The following CREB5 variants were observed in gnomAD, a reference collection of about 807,000 sequenced individuals.
CREB5 encodes the protein cAMP responsive element binding protein 5, also known as cyclic AMP-responsive element-binding protein 5.
Under a neutral mutation model 57.1 loss-of-function variants are expected in CREB5, and 19 were observed. That is an observed-to-expected ratio of 0.33 (90% CI 0.23 to 0.49). The LOEUF (loss-of-function observed/expected upper bound fraction) is 0.49, where lower values mean the gene tolerates loss of function less well. Ranked by LOEUF, CREB5 falls within the 20% of genes least tolerant of loss-of-function variation. CREB5 has a pLI of 0.99. For synonymous variants in CREB5, 238 were observed against 238.3 expected, an observed-to-expected ratio of 1.00 and a Z score of 0.01; for missense variants, 579 against 671.6, an observed-to-expected ratio of 0.86 and a Z score of 1.52.
chr7:28,618,880 A>C (rs1797689197), intron 5 of CREB5, among the ~76,000 whole-genome samples: 1 of 152,244 alleles, frequency 6.6e-6, no homozygotes, highest in South Asian at 2.1e-4. Context: ...TGGTTCTGAC[A>C]TTGCAATATT....
rs1791968407 is a variant in CREB5 at position 28,494,990 on chromosome 7, A to C, written c.160A>C (p.Met54Leu). ...LKFPSIKTDN[M>L]LSDQTPTPTR... ...GTTTCCTTCAATAAAAACAGACAAT[A>C]TGTTATCAGGTAAGGAGCCATCAGG... Residue 54 changes from methionine (M) to leucine (L), a missense_variant, in exon 3 of 11, where the codon ATG becomes CTG. Around this residue, in one of 3 missense-constraint regions of CREB5, gnomAD observed 459 missense variants for 515.7 expected, o/e 0.89. Transcript: ENST00000357727. 1.2e-6 allele frequency: 2 copies of C among 1,604,084 alleles called. No individual in the cohort carries two copies. The highest frequency in any genetic ancestry group is 2.2e-5 in the South Asian group (2 of 88,922).
rs138440148 is a variant in CREB5, at chr7:28,666,109, CA to C, written c.465-52640del. Among the ~76,000 whole-genome samples the C allele has an allele frequency of 5.3e-3, 807 of 152,018 alleles. 5 individuals carry two copies. Among genetic ancestry groups the C allele is most frequent in the Non-Finnish European group, 6.7e-3 (454 of 67,992 alleles). ...ATGTTGAGTTATAAGGAGCGATTGC[CA>C]AAAGTTTGGATAATAAATGAGAAAT... On this transcript the variant is annotated intron_variant, in intron 5 of 10. Transcript: ENST00000357727.
intron 1 of CREB5, among the ~76,000 whole-genome samples, chr7:28,383,743 A>G (rs1787017152): frequency 6.6e-6 from 1 of 152,166 alleles, no homozygotes; most frequent in African/African-American, 2.4e-5. Flanking sequence ...CACGTCCAAC[A>G]TGGGGGATTA....
At chr7:28,521,126 C>T (rs1345796207) in intron 4 of CREB5, among the ~76,000 whole-genome samples, 3 of 152,134 alleles carry the variant, frequency 2.0e-5, no homozygotes, top group Admixed American at 6.5e-5. Flanking sequence ...ACCCATTGCA[C>T]AGTGCATGTG....
Position 28,445,939 on chromosome 7 carries a change from C to A in CREB5, c.3+33022C>A, listed in dbSNP as rs558823105. 2.6e-3 allele frequency among the ~76,000 whole-genome samples: 390 copies of A among 152,312 alleles called. 3 individuals are homozygous for A. The highest frequency in any genetic ancestry group is 9.0e-3 in the African/African-American group (373 of 41,572). ...CCTGTTCATGGTAGAAGCAAAACAA[C>A]CTCAACAAACAAAACCAAACAAACC... On this transcript the variant is annotated intron_variant, in intron 1 of 10. Transcript: ENST00000357727.
chr7:28,474,529 C>A (rs1790978439), intron 1 of CREB5, among the ~76,000 whole-genome samples: 1 of 152,010 alleles, frequency 6.6e-6, no homozygotes, highest in Admixed American at 6.5e-5. Flanking sequence ...ACTGGGGTGT[C>A]CAGAGGATTT....
At chr7:28,619,257 C>T (rs758327792) in intron 5 of CREB5, among the ~76,000 whole-genome samples, 4 of 152,160 alleles carry the variant, frequency 2.6e-5, no homozygotes, top group Non-Finnish European at 4.4e-5. Flanking sequence ...ACTCAGCCAT[C>T]GTGGCTCCAA....
intron 6 of CREB5, among the ~76,000 whole-genome samples, chr7:28,723,812 C>G (rs1168030899): frequency 6.6e-6 from 1 of 152,078 alleles, no homozygotes; most frequent in Non-Finnish European, 1.5e-5. Context: ...AGTAAGTAAC[C>G]TTGGTGATTA....
intron 1 of CREB5, among the ~76,000 whole-genome samples, chr7:28,439,842 G>A (rs1789111670): frequency 6.6e-6 from 1 of 152,126 alleles, no homozygotes; most frequent in African/African-American, 2.4e-5. Context: ...ATTTTTCTCT[G>A]TGCCTGTGTG....
intron 1 of CREB5, among the ~76,000 whole-genome samples, chr7:28,396,868 T>A (rs1036924873): frequency 2.0e-5 from 3 of 152,208 alleles, no homozygotes; most frequent in Admixed American, 2.0e-4. Context: ...TCCCTTTACC[T>A]TCTCTTCCTC....
intron 1 of CREB5, among the ~76,000 whole-genome samples, chr7:28,381,494 A>G (rs1786966394): frequency 6.6e-6 from 1 of 152,206 alleles, no homozygotes; most frequent in Non-Finnish European, 1.5e-5. Context: ...TTGATTTCTC[A>G]TAGGGTTGGC....
At chr7:28,650,516 C>T (rs184761573) in intron 5 of CREB5, among the ~76,000 whole-genome samples, 52 of 152,228 alleles carry the variant, frequency 3.4e-4, no homozygotes, top group Non-Finnish European at 5.6e-4. Context: ...TCACACAGAT[C>T]CAGATAGTCT....
At chr7:28,736,026 T>G (rs2128753743) in intron 7 of CREB5, among the ~76,000 whole-genome samples, 1 of 152,184 alleles carries the variant, frequency 6.6e-6, no homozygotes, top group East Asian at 1.9e-4. Flanking sequence ...CTCAAACTCC[T>G]GGCCTCAAGC....
At chr7:28,542,364 C>T (rs999725059) in intron 4 of CREB5, among the ~76,000 whole-genome samples, 3 of 152,144 alleles carry the variant, frequency 2.0e-5, no homozygotes, top group Non-Finnish European at 2.9e-5. Context: ...ATGTTTATGA[C>T]CCCTCTTCGG....
intron 9 of CREB5, among the ~76,000 whole-genome samples, chr7:28,810,812 C>T (rs1343574309): frequency 1.3e-5 from 2 of 152,156 alleles, no homozygotes; most frequent in East Asian, 3.9e-4. Context: ...AACCCCAAAG[C>T]CTTTGCATAT....
intron 5 of CREB5, among the ~76,000 whole-genome samples, chr7:28,597,059 T>C (rs1796713869): frequency 6.6e-6 from 1 of 152,152 alleles, no homozygotes; most frequent in Non-Finnish European, 1.5e-5. Flanking sequence ...TAATGGATAG[T>C]TAAACCTTTC....
chr7:28,733,369 T>C (rs953284791), intron 7 of CREB5, among the ~76,000 whole-genome samples: 5 of 152,144 alleles, frequency 3.3e-5, no homozygotes, highest in Non-Finnish European at 5.9e-5. Context: ...TGGTCCAGTG[T>C]TCCTACCAGC....
At chr7:28,372,114 G>A (rs1027340435) in intron 1 of CREB5, among the ~76,000 whole-genome samples, 1 of 152,144 alleles carries the variant, frequency 6.6e-6, no homozygotes, top group African/African-American at 2.4e-5. Context: ...GCCAGGCGCT[G>A]GGCTGGCGTA....
chr7:28,804,461 C>T lies in CREB5; in HGVS notation c.965C>T (p.Ala322Val). 2 of 1,614,088 alleles carry T rather than the reference C, an allele frequency of 1.2e-6. No individual in the cohort carries two copies. The change falls in exon 8 of 11, where the codon GCA (alanine) becomes GTA (valine). Residue 322 changes from alanine (A) to valine (V), a missense_variant. Around this residue, in one of 3 missense-constraint regions of CREB5, gnomAD observed 459 missense variants for 515.7 expected, o/e 0.89. Transcript: ENST00000357727. The stretch of plus-strand genomic sequence containing the variant: ...CACCACTCCCATTCCCACCTTCATG[C>T]ACACCCAGCACATCACCAGACCTCG... ...PHHHSHSHLH[A>V]HPAHHQTSPH...
Sources: gnomAD v4.1 joint callset for allele counts (sites outside exome capture counted in the v4.1 genomes callset) on GRCh38, gnomAD v4.1.1 for gene constraint, gnomAD v4.1.1 regional missense constraint, MANE v1.5 for transcripts, NCBI Gene and HGNC (gene_info 2026-07-23, HGNC 2026-07-21) for gene names.